Variants in CEP85 observed in about 807,000 individuals in gnomAD.
The protein encoded by CEP85 is centrosomal protein of 85 kDa.
In CEP85, 58 loss-of-function variants were observed where a neutral mutation model predicts 93.7. That is an observed-to-expected ratio of 0.62 (90% CI 0.50 to 0.77). The LOEUF (loss-of-function observed/expected upper bound fraction) is 0.77, where lower values mean the gene tolerates loss of function less well. Among genes scored for constraint, CEP85 ranks in the 30% least tolerant of loss-of-function variants. The probability of loss-of-function intolerance (pLI) is 0.00; values close to 1 mark genes in which losing one functional copy is unlikely to be tolerated. For synonymous variants in CEP85, 314 were observed against 338.6 expected (o/e 0.93, Z 0.80); for missense variants, 868 against 922.0 (o/e 0.94, Z 0.76).
chr1:26,272,346 C>T (rs538359294), intron 11 of CEP85: 2 of 434,544 alleles, frequency 4.6e-6, no homozygotes, highest in Admixed American at 3.5e-5. Flanking sequence ...TTCTGGAGAT[C>T]CTGAACCTAC....
At chr1:26,260,780 G>A (rs2089794979) in intron 7 of CEP85, among the ~76,000 whole-genome samples, 1 of 151,732 alleles carries the variant, frequency 6.6e-6, no homozygotes, top group Admixed American at 6.6e-5. Flanking sequence ...GAGGAAGCCT[G>A]AGATCCTGCC....
chr1:26,244,522 A>G (rs2089479960), intron 3 of CEP85, among the ~76,000 whole-genome samples: 1 of 152,028 alleles, frequency 6.6e-6, no homozygotes, highest in Non-Finnish European at 1.5e-5. Context: ...ATCTTATCTG[A>G]AACAACTTTG....
chr1:26,235,567 C>CTTTTTTTTTTTTTTTTTTTTTTTTTTTTT (rs1192252673), intron 1 of CEP85, among the ~76,000 whole-genome samples: 1 of 95,588 alleles, frequency 1.0e-5, no homozygotes, highest in African/African-American at 4.4e-5. Flanking sequence ...GATTGTAATT[C>CTTTTTTTTTTTTTTTTTTTTTTTTTTTTT]TTTTTTTTTT....
At chr1:26,266,394 T>TA (rs1275124811) in intron 7 of CEP85, among the ~76,000 whole-genome samples, 1 of 152,092 alleles carries the variant, frequency 6.6e-6, no homozygotes, top group African/African-American at 2.4e-5. Flanking sequence ...CTCAAAAAAA[T>TA]AATAAATCTT....
At chr1:26,237,942 A>G (rs2089352910) in intron 1 of CEP85, among the ~76,000 whole-genome samples, 1 of 152,152 alleles carries the variant, frequency 6.6e-6, no homozygotes, top group South Asian at 2.1e-4. Flanking sequence ...ACTTGCCATA[A>G]ACTAAAGCTT....
intron 1 of CEP85, among the ~76,000 whole-genome samples, chr1:26,235,810 GA>G (rs2089318074): frequency 6.6e-6 from 1 of 152,114 alleles, no homozygotes; most frequent in African/African-American, 2.4e-5. Context: ...GACCTCAGGT[GA>G]TCCGCCCGCC....
intron 13 of CEP85, 30 bp from the exon 14 acceptor site, chr1:26,277,106 A>C (rs1370342956): frequency 6.2e-7 from 1 of 1,604,728 alleles, no homozygotes; most frequent in Non-Finnish European, 8.5e-7. Flanking sequence ...CATAACTAAC[A>C]TTCTCTTGAA....
intron 2 of CEP85, 134 bp downstream of exon 2, chr1:26,239,972 CATTGAA>C: frequency 1.5e-6 from 1 of 677,078 alleles, no homozygotes; most frequent in South Asian, 1.8e-5. Flanking sequence ...CATGGGGCTT[CATTGAA>C]TATAAAAACA....
At chr1:26,237,151 GGC>G (rs997734657) in intron 1 of CEP85, among the ~76,000 whole-genome samples, 1 of 152,152 alleles carries the variant, frequency 6.6e-6, no homozygotes, top group Non-Finnish European at 1.5e-5. Context: ...GAATGCCATT[GGC>G]CAAGGGGAGG....
chr1:26,238,930 GA>G (rs1192158871), intron 1 of CEP85, among the ~76,000 whole-genome samples: 1 of 152,294 alleles, frequency 6.6e-6, no homozygotes, highest in East Asian at 1.9e-4. Flanking sequence ...TTCTACTTAT[GA>G]GCAAGAATTC....
chr1:26,241,244 A>ATTTTTTTTTTTTTTTTT (rs71004567), intron 2 of CEP85, among the ~76,000 whole-genome samples: 6 of 109,288 alleles, frequency 5.5e-5, no homozygotes, highest in Non-Finnish European at 9.1e-5. Context: ...ATTCAGCAGA[A>ATTTTTTTTTTTTTTTTT]TTTTTTTTTT....
At chr1:26,257,990 C>T (rs978983221) in intron 5 of CEP85, among the ~76,000 whole-genome samples, 153 bp from the exon 6 acceptor site, 1 of 152,154 alleles carries the variant, frequency 6.6e-6, no homozygotes, top group African/African-American at 2.4e-5. Flanking sequence ...CTCATTTCCC[C>T]AGTTATCTTT....
rs1433524136 is a variant in CEP85, at chr1:26,241,243, A to ATTTTT, written c.55+1405_55+1406insTTTTT. Among the ~76,000 whole-genome samples, 6 of 61,832 alleles carry ATTTTT rather than the reference A, an allele frequency of 9.7e-5. 1 individual carries two copies. Among genetic ancestry groups the ATTTTT allele is most frequent in the Non-Finnish European group, 1.4e-4 (4 of 28,176 alleles). 40.6% of individuals were successfully genotyped at this position (61,832 alleles called of 152,430 possible). On this transcript the variant is annotated intron_variant, in intron 2 of 13. Transcript: ENST00000451429. Reference sequence around the variant, plus strand: ...AATCAATTCAAGATTCATTCAGCAGAATTTTTTTTTTTTTTTTGAAATGGA... The same window carrying ATTTTT: ...AATCAATTCAAGATTCATTCAGCAGATTTTTATTTTTTTTTTTTTTTTGAAATGGA...
intron 1 of CEP85, among the ~76,000 whole-genome samples, chr1:26,237,332 G>T (rs1219338486): frequency 6.6e-6 from 1 of 152,142 alleles, no homozygotes; most frequent in African/African-American, 2.4e-5. Context: ...ACCCTGAAAA[G>T]AAACCCGGTA....
intron 11 of CEP85, among the ~76,000 whole-genome samples, chr1:26,272,634 TTTTTTTTTTTG>T (rs1181123828): frequency 1.4e-5 from 2 of 140,048 alleles, no homozygotes; most frequent in African/African-American, 5.5e-5. Flanking sequence ...TTTTTTTTTT[TTTTTTTTTTTG>T]GAGACAGAGT....
chr1:26,248,648 A>G (rs1478535722), intron 3 of CEP85, among the ~76,000 whole-genome samples: 3 of 146,226 alleles, frequency 2.1e-5, no homozygotes, highest in African/African-American at 7.7e-5. Flanking sequence ...GGCGTGTACC[A>G]CCATGCCTGG....
intron 7 of CEP85, among the ~76,000 whole-genome samples, chr1:26,266,039 C>G (rs1241361969): frequency 6.6e-6 from 1 of 152,034 alleles, no homozygotes; most frequent in Non-Finnish European, 1.5e-5. Flanking sequence ...GAAACACTGT[C>G]TCTACCAATA....
At chr1:26,259,526 G>A in intron 6 of CEP85, 91 bp from the exon 7 acceptor site, 2 of 1,208,922 alleles carry the variant, frequency 1.7e-6, no homozygotes, top group Non-Finnish European at 2.3e-6. Context: ...GGAGAAAAAT[G>A]ATATTTGACC....
intron 7 of CEP85, among the ~76,000 whole-genome samples, chr1:26,266,287 TG>T (rs1407389532): frequency 6.6e-6 from 1 of 152,118 alleles, no homozygotes; most frequent in African/African-American, 2.4e-5. Flanking sequence ...ACTGAGAGGC[TG>T]AGGTGGGAGC....
Sources: gnomAD v4.1 joint callset for allele counts (sites outside exome capture counted in the v4.1 genomes callset) on GRCh38, gnomAD v4.1.1 for gene constraint, MANE v1.5 for transcripts, NCBI Gene and HGNC (gene_info 2026-07-23, HGNC 2026-07-21) for gene names.